KRTDAP: variants seen among roughly 807,000 people sequenced by gnomAD.
The protein encoded by KRTDAP is keratinocyte differentiation-associated protein.
Under a neutral mutation model 18.6 loss-of-function variants are expected in KRTDAP, and 14 were observed. The observed-to-expected ratio is 0.75, with a 90% confidence interval of 0.50 to 1.18. KRTDAP has a LOEUF of 1.18. Among genes scored for constraint, KRTDAP ranks in the 50% most tolerant of loss-of-function variants. The pLI, the probability that KRTDAP is intolerant of heterozygous loss-of-function variation, is 0.00. For synonymous variants in KRTDAP, 53 were observed against 49.5 expected (o/e 1.07, Z -0.29); for missense variants, 114 against 121.3 (o/e 0.94, Z 0.28).
At chr19:35,489,624 G>C (rs934558027) in intron 1 of KRTDAP, among the ~76,000 whole-genome samples, 8 of 152,116 alleles carry the variant, frequency 5.3e-5, no homozygotes, top group Non-Finnish European at 8.8e-5. Flanking sequence ...AGCCCCCCCA[G>C]CTCAGTGACA....
At chr19:35,487,591 C>T (rs370010385) in intron 5 of KRTDAP, 121 bp downstream of exon 5, 3 of 1,154,672 alleles carry the variant, frequency 2.6e-6, no homozygotes, top group Non-Finnish European at 3.9e-6. Context: ...GTAGCTAAGA[C>T]CTCCCTTCAG....
chr19:35,488,780 C>G (rs764369453), intron 2 of KRTDAP, 22 bp downstream of exon 2: 3 of 1,614,084 alleles, frequency 1.9e-6, no homozygotes, highest in Non-Finnish European at 2.5e-6. Context: ...GGCTGGAGGG[C>G]CGGGGAAAAC....
chr19:35,487,637 C>A, intron 5 of KRTDAP, 75 bp downstream of exon 5: 1 of 1,323,098 alleles, frequency 7.6e-7, no homozygotes, highest in South Asian at 1.2e-5. Flanking sequence ...TCCCTGTCCC[C>A]ACTCTCTCTC....
In KRTDAP at chr19:35,488,720, G is replaced by T. The variant is rs764508111; in HGVS notation, c.127-17C>A. 3.7e-6 allele frequency: 6 copies of T among 1,614,074 alleles called. No individual in the cohort carries two copies. The highest frequency in any genetic ancestry group is 5.1e-6 in the Non-Finnish European group (6 of 1,180,030). ...GTTAAAGGCCTAGGCAGAAACGCAG[G>T]GTGTTAGGAAAGTTGCTAAGAAGCA... On this transcript the variant is annotated splice_polypyrimidine_tract_variant and intron_variant, in intron 2 of 5. Transcript: ENST00000338897.
At chr19:35,490,235 C>T in intron 1 of KRTDAP, 121 bp downstream of exon 1, 1 of 594,490 alleles carries the variant, frequency 1.7e-6, no homozygotes, top group Non-Finnish European at 3.0e-6. Flanking sequence ...GCCCCAGTTT[C>T]TTCAGCCCCC....
At chr19:35,488,907 T>C (rs576769218) in intron 1 of KRTDAP, 67 bp from the exon 2 acceptor site, 32 of 1,469,622 alleles carry the variant, frequency 2.2e-5, no homozygotes, top group South Asian at 2.1e-4. Flanking sequence ...CCCACATCCC[T>C]GTCTGCCAGC....
Position 35,488,815 on chromosome 19 carries a change from G to T in KRTDAP, c.113C>A (p.Ala38Glu). ...CAGACGGCTTACCTCGGGTCGTGAC[G>T]CATAATTCTCAATGGTGCTTTCTTC... ...PEEESTIENY[A>E]SRPEAFNTPF... Residue 38 changes from alanine to glutamate, a missense_variant, in exon 2 of 6, where the codon GCG becomes GAG. Physicochemically the swap from Ala to Glu is moderately radical, Grantham distance 107. Transcript: ENST00000338897. 1.2e-6 allele frequency: 2 copies of T among 1,614,102 alleles called. No homozygotes were observed. The highest frequency in any genetic ancestry group is 1.7e-6 in the Non-Finnish European group (2 of 1,180,022).
In KRTDAP at chr19:35,489,894, G is replaced by A. The variant is rs1457338053; in HGVS notation, c.87+462C>T. Among the ~76,000 whole-genome samples, 3 of 152,252 alleles carry A rather than the reference G, an allele frequency of 2.0e-5. No homozygotes were observed. The East Asian group carries it at 5.8e-4, about 29-fold the overall frequency. The stretch of plus-strand genomic sequence containing the variant: ...CTTTGAGTTAAGTCAGCTGCAGGCA[G>A]AACTAGCTAGTTTTTTGCTTTGCTT... On this transcript the variant is annotated intron_variant, in intron 1 of 5. Coordinates refer to ENST00000338897, the MANE Select transcript of KRTDAP (RefSeq NM_207392.3).
chr19:35,488,197 C>T (rs1166439471), intron 4 of KRTDAP, among the ~76,000 whole-genome samples: 1 of 152,192 alleles, frequency 6.6e-6, no homozygotes, highest in African/African-American at 2.4e-5. Flanking sequence ...TAGCCTCTTC[C>T]TCTTCTGCAA....
chr19:35,488,289 C>T (rs987565352), intron 4 of KRTDAP, 152 bp downstream of exon 4: 2 of 775,636 alleles, frequency 2.6e-6, no homozygotes, highest in Middle Eastern at 2.6e-4. Context: ...AGCTTTCTTC[C>T]GTTGACAGCC....
intron 2 of KRTDAP, 36 bp downstream of exon 2, chr19:35,488,766 T>A (rs776971180): frequency 4.1e-5 from 66 of 1,613,966 alleles, no homozygotes; most frequent in Non-Finnish European, 5.5e-5. Context: ...GAGGACAGAC[T>A]CGTGGCTGGA....
intron 5 of KRTDAP, 85 bp from the exon 6 acceptor site, chr19:35,487,551 G>A (rs752208774): frequency 1.1e-4 from 153 of 1,331,538 alleles, no homozygotes; most frequent in Non-Finnish European, 1.4e-4. Flanking sequence ...TTTCTGCCTC[G>A]GTGTGAGTTC....
At chr19:35,489,380 C>T (rs1414819543) in intron 1 of KRTDAP, among the ~76,000 whole-genome samples, 2 of 152,202 alleles carry the variant, frequency 1.3e-5, no homozygotes, top group African/African-American at 2.4e-5. Flanking sequence ...GAGCCCAACA[C>T]GGAGCCCGCA....
intron 1 of KRTDAP, 149 bp from the exon 2 acceptor site, chr19:35,488,989 C>A: frequency 2.8e-6 from 2 of 704,090 alleles, no homozygotes; most frequent in South Asian, 3.6e-5. Flanking sequence ...GTTCCAGTCG[C>A]GCACATGGTT....
intron 2 of KRTDAP, 40 bp from the exon 3 acceptor site, chr19:35,488,743 G>A (rs779893477): frequency 1.1e-5 from 18 of 1,613,982 alleles, no homozygotes; most frequent in Non-Finnish European, 1.5e-5. Flanking sequence ...TTGCTAAGAA[G>A]CAAAAAGAGA....
At position 35,488,685 on chromosome 19, in the gene KRTDAP, G is replaced by A. The variant is rs768464698; in HGVS notation, c.145C>T (p.Leu49=). The A allele has an allele frequency of 6.2e-7, 1 of 1,614,090 alleles. No homozygotes were observed. The highest frequency in any genetic ancestry group is 8.5e-7 in the Non-Finnish European group (1 of 1,180,046). ...SRPEAFNTPF[L]NIDKLRSAFK... is the part of the protein sequence containing the mutation. ...ACAGATCGCAATTTGTCGATGTTCA[G>A]GAACGGGGTGTTAAAGGCCTAGGCA... is the stretch of plus-strand genomic sequence containing the variant. Residue 49 remains leucine, a synonymous_variant, in exon 3 of 6, where the codon CTG becomes TTG. Transcript: ENST00000338897.
In KRTDAP at chr19:35,487,325, G is replaced by T; in HGVS notation, c.*103C>A. ...GGACAGAGACGCAGATACAGGAGCT[G>T]TTGGATGGAAAATGTTTTATTGGAG... On this transcript the variant is annotated 3_prime_UTR_variant, in exon 6 of 6. Coordinates refer to ENST00000338897, the MANE Select transcript of KRTDAP (RefSeq NM_207392.3). The T allele has an allele frequency of 2.7e-6, 3 of 1,099,556 alleles. No homozygotes were observed. The highest frequency in any genetic ancestry group is 4.2e-6 in the Non-Finnish European group (3 of 711,034). The allele number at this position is 1,099,556 out of a possible 1,614,324, so 68.1% of individuals were successfully genotyped here.
chr19:35,489,673 G>C (rs575420795), intron 1 of KRTDAP, among the ~76,000 whole-genome samples: 17 of 152,066 alleles, frequency 1.1e-4, no homozygotes, highest in Non-Finnish European at 2.1e-4. Context: ...CTGTGCCCCT[G>C]TCTTAGACTT....
At position 35,488,851 on chromosome 19, in the gene KRTDAP, A is replaced by C. The variant is rs2067507281; in HGVS notation, c.88-11T>G. The C allele has an allele frequency of 3.7e-6, 6 of 1,613,638 alleles. No individual in the cohort carries two copies. Among genetic ancestry groups the C allele is most frequent in the Non-Finnish European group, 5.1e-6 (6 of 1,179,926 alleles). On this transcript the variant is annotated splice_polypyrimidine_tract_variant and intron_variant, in intron 1 of 5. Coordinates refer to ENST00000338897, the MANE Select transcript of KRTDAP (RefSeq NM_207392.3). ...AATGGTGCTTTCTTCCTGGAAAAGGAGAGGGAGAAAAGGCGGCAGGGGGTC... is the reference window on the plus strand; with the variant it reads ...AATGGTGCTTTCTTCCTGGAAAAGGCGAGGGAGAAAAGGCGGCAGGGGGTC...
Sources: gnomAD v4.1 joint callset for allele counts (sites outside exome capture counted in the v4.1 genomes callset) on GRCh38, gnomAD v4.1.1 for gene constraint, MANE v1.5 for transcripts, NCBI Gene and HGNC (gene_info 2026-07-23, HGNC 2026-07-21) for gene names.